The following EDARADD variants were observed in gnomAD, a reference collection of about 807,000 sequenced individuals.
The protein encoded by EDARADD is EDAR associated via death domain.
EDARADD carries 20 observed loss-of-function variants against 25.6 expected under a neutral mutation model. That is an observed-to-expected ratio of 0.78 (90% CI 0.55 to 1.14). The LOEUF (loss-of-function observed/expected upper bound fraction) is 1.14, where lower values mean the gene tolerates loss of function less well. EDARADD is among the 50% of genes most tolerant of loss of function. The probability of loss-of-function intolerance (pLI) is 0.00; values close to 1 mark genes in which losing one functional copy is unlikely to be tolerated. For missense variants in EDARADD, 225 were observed against 270.1 expected, an observed-to-expected ratio of 0.83 and a Z score of 1.17; for synonymous variants, 86 against 94.4, an observed-to-expected ratio of 0.91 and a Z score of 0.52.
exon 3 of EDARADD, chr1:236,350,781 C>T (rs1003493571): frequency 6.6e-6 from 1 of 152,252 alleles, no homozygotes; most frequent in Non-Finnish European, 1.5e-5. Flanking sequence ...GAGTGTGAGA[C>T]TTCAGTCATG....
At chr1:236,382,427 C>T (rs956269614) in intron 3 of EDARADD, among the ~76,000 whole-genome samples, 5 of 152,174 alleles carry the variant, frequency 3.3e-5, no homozygotes, top group African/African-American at 1.2e-4. Context: ...TTCTTACTAA[C>T]TGTATCATCT....
At chr1:236,382,723 G>A (rs1009810601) in intron 3 of EDARADD, among the ~76,000 whole-genome samples, 1 of 152,134 alleles carries the variant, frequency 6.6e-6, no homozygotes, top group East Asian at 1.9e-4. Context: ...CACTATTCAG[G>A]CAAGACCCTT....
intron 3 of EDARADD, among the ~76,000 whole-genome samples, chr1:236,355,124 A>G (rs1421036833): frequency 6.6e-6 from 1 of 152,250 alleles, no homozygotes; most frequent in East Asian, 1.9e-4. Context: ...CTTTTGGACC[A>G]TACATCTCAT....
At chr1:236,394,597 C>G (rs1042840777) in intron 1 of EDARADD, 92 bp downstream of exon 1, 6 of 1,092,610 alleles carry the variant, frequency 5.5e-6, no homozygotes, top group Admixed American at 2.3e-5. Flanking sequence ...ATATATTATA[C>G]ACTAAATACT....
rs976454136 is a variant in EDARADD at position 236,398,486 on chromosome 1, C to T, written c.61+3981C>T. 3.9e-5 allele frequency among the ~76,000 whole-genome samples: 6 copies of T among 152,242 alleles called. No homozygotes were observed. In the East Asian group the frequency reaches 1.2e-3, roughly 29 times the overall value. On this transcript the variant is annotated intron_variant, in intron 1 of 5. Transcript: ENST00000334232. The surrounding 1 kb of genome is among the most constrained non-coding windows in gnomAD (Gnocchi z 4.1). Reference sequence around the variant, plus strand: ...GCTTTCCAACACTCCGACAGATCCTCAGTCCTTGAGGCTTACACACTCTGT... The same window carrying T: ...GCTTTCCAACACTCCGACAGATCCTTAGTCCTTGAGGCTTACACACTCTGT...
At chr1:236,376,006 C>T (rs922132176) in intron 3 of EDARADD, among the ~76,000 whole-genome samples, 5 of 144,616 alleles carry the variant, frequency 3.5e-5, no homozygotes, top group Admixed American at 7.2e-5. Context: ...GCGATCTTGG[C>T]TCACTACCAC....
At chr1:236,452,501 C>T (rs78419210) in intron 4 of EDARADD, among the ~76,000 whole-genome samples, 218 of 143,206 alleles carry the variant, frequency 1.5e-3, no homozygotes, top group African/African-American at 5.0e-3. Flanking sequence ...GCCGATCCCC[C>T]CTCTCTCTCT....
intron 4 of EDARADD, among the ~76,000 whole-genome samples, chr1:236,433,709 T>C: frequency 1.3e-5 from 2 of 151,452 alleles, no homozygotes; most frequent in Middle Eastern, 3.4e-3. Context: ...TAAAATAAAA[T>C]AAATATAAAA....
chr1:236,363,006 A>AAAAAAATATATATATATATATATAT (rs1377112051), intron 3 of EDARADD, among the ~76,000 whole-genome samples: 3 of 42,946 alleles, frequency 7.0e-5, no homozygotes, highest in African/African-American at 3.3e-4. Context: ...AAAAAAAAAA[A>AAAAAAATATATATATATATATATAT]ATATATATAT....
At chr1:236,390,700 T>A (rs1667411760), upstream of EDARADD, among the ~76,000 whole-genome samples, 1 of 152,144 alleles carries the variant, frequency 6.6e-6, no homozygotes, top group African/African-American at 2.4e-5. Flanking sequence ...GATTAAAGGG[T>A]CTCTCCCTGC....
At chr1:236,448,140 G>A (rs115419335) in intron 4 of EDARADD, among the ~76,000 whole-genome samples, 1,776 of 152,260 alleles carry the variant, frequency 0.012, 33 homozygotes, top group African/African-American at 0.039. Flanking sequence ...TGGCCCACTC[G>A]GAGAGCTTTT....
At chr1:236,353,821 A>C (rs945152085) in intron 3 of EDARADD, among the ~76,000 whole-genome samples, 2 of 152,250 alleles carry the variant, frequency 1.3e-5, no homozygotes, top group African/African-American at 4.8e-5. Context: ...CCTTTTACCC[A>C]GAACAGGCAC....
intron 2 of EDARADD, among the ~76,000 whole-genome samples, chr1:236,412,445 C>T (rs1286076641): frequency 2.6e-5 from 4 of 152,172 alleles, no homozygotes; most frequent in Non-Finnish European, 4.4e-5. Context: ...GCAAGTTTCC[C>T]GAGAACCTAG....
chr1:236,444,672 A>G (rs780015615), intron 4 of EDARADD, among the ~76,000 whole-genome samples: 24 of 152,056 alleles, frequency 1.6e-4, no homozygotes, highest in African/African-American at 5.3e-4. Flanking sequence ...GATCCGCCCA[A>G]CTCGGTCTCC....
chr1:236,357,709 G>A (rs1022038174), intron 3 of EDARADD, among the ~76,000 whole-genome samples: 6 of 151,780 alleles, frequency 4.0e-5, no homozygotes, highest in Non-Finnish European at 7.4e-5. Context: ...GACCTCACTC[G>A]CCAGTGTGAG....
intron 3 of EDARADD, among the ~76,000 whole-genome samples, chr1:236,420,300 G>A (rs1657751711): frequency 6.6e-6 from 1 of 152,200 alleles, no homozygotes; most frequent in Admixed American, 6.5e-5. Flanking sequence ...AAATGGTTCT[G>A]TATTTAAGGC....
intron 4 of EDARADD, among the ~76,000 whole-genome samples, chr1:236,430,001 C>T (rs1258180740): frequency 6.6e-6 from 1 of 152,216 alleles, no homozygotes; most frequent in African/African-American, 2.4e-5. Context: ...TTTAAAACAT[C>T]ACTCTGTAAT....
chr1:236,442,187 A>G (rs1658421244), intron 4 of EDARADD, among the ~76,000 whole-genome samples: 2 of 150,194 alleles, frequency 1.3e-5, no homozygotes, highest in South Asian at 2.1e-4. Context: ...GTGCAGGGGC[A>G]CCATCTCAGC....
rs1553265475 is a variant in EDARADD, at chr1:236,405,790, T to TTTTTCTTTCTTTCTTTCTTTC, written c.62-3423_62-3422insTCTTTCTTTCTTTCTTTCTTT. Among the ~76,000 whole-genome samples the TTTTTCTTTCTTTCTTTCTTTC allele has an allele frequency of 6.1e-5, 3 of 49,562 alleles. 1 individual carries two copies. Among genetic ancestry groups the TTTTTCTTTCTTTCTTTCTTTC allele is most frequent in the African/African-American group, 1.3e-4 (2 of 14,860 alleles). The allele number at this position is 49,562 out of a possible 152,430, so 32.5% of individuals were successfully genotyped here. A position where few individuals can be genotyped will look rare whatever the true frequency, so the allele number is the denominator to read the frequency against. Reference sequence around the variant, plus strand: ...CTTTCTTTCTTTCTTTCTTTCTTTCTTTTCTTTTTCTTTCTTTCTTTCCTT... The same window carrying TTTTTCTTTCTTTCTTTCTTTC: ...CTTTCTTTCTTTCTTTCTTTCTTTCTTTTTCTTTCTTTCTTTCTTTCTTTCTTTTTCTTTCTTTCTTTCCTT... On this transcript the variant is annotated intron_variant, in intron 1 of 5. Coordinates refer to ENST00000334232, the MANE Select transcript of EDARADD (RefSeq NM_145861.4).
Sources: allele counts gnomAD v4.1 joint callset (sites outside exome capture counted in the v4.1 genomes callset), GRCh38; gene constraint gnomAD v4.1.1; non-coding constraint Gnocchi (gnomAD v3.1); transcripts MANE v1.5; gene names NCBI Gene and HGNC (gene_info 2026-07-23, HGNC 2026-07-21).